The following KCNH1 variants were observed in gnomAD, a reference collection of about 807,000 sequenced individuals.
KCNH1 encodes the protein voltage-gated delayed rectifier potassium channel KCNH1.
In KCNH1, 27 loss-of-function variants were observed where a neutral mutation model predicts 69.2. The observed-to-expected ratio is 0.39, with a 90% CI of 0.29 to 0.54. The LOEUF is 0.54. KCNH1 is among the 20% of genes least tolerant of loss of function. The probability of loss-of-function intolerance (pLI) is 0.68; values close to 1 mark genes in which losing one functional copy is unlikely to be tolerated. For missense variants in KCNH1, 798 were observed against 1,261.6 expected (o/e 0.63, Z 5.57); for synonymous variants, 456 against 487.7 (o/e 0.93, Z 0.86).
chr1:210,827,450 TC>T (rs1056043579), intron 7 of KCNH1, among the ~76,000 whole-genome samples: 7 of 152,236 alleles, frequency 4.6e-5, no homozygotes, highest in Admixed American at 2.0e-4. Context: ...CTACTACTTT[TC>T]AAGAACCTAG....
At chr1:210,850,381 C>T (rs1189524330) in intron 7 of KCNH1, among the ~76,000 whole-genome samples, 5 of 151,912 alleles carry the variant, frequency 3.3e-5, no homozygotes, top group Non-Finnish European at 5.9e-5. Context: ...CGTGGTGGCG[C>T]GCACCTGTAG....
At chr1:210,797,892 T>G in intron 8 of KCNH1, 132 bp from the exon 9 acceptor site, 1 of 960,372 alleles carries the variant, frequency 1.0e-6, no homozygotes. Flanking sequence ...TCCCTGCGCT[T>G]ATGGAGCTTA....
At chr1:211,085,334 TA>T (rs962826038) in intron 4 of KCNH1, among the ~76,000 whole-genome samples, 3 of 151,916 alleles carry the variant, frequency 2.0e-5, no homozygotes, top group African/African-American at 7.3e-5. Flanking sequence ...ACCTGGACAG[TA>T]AAAACCTAGA....
chr1:210,850,566 C>T (rs537595723), intron 7 of KCNH1, among the ~76,000 whole-genome samples: 1 of 152,180 alleles, frequency 6.6e-6, no homozygotes, highest in East Asian at 1.9e-4. Flanking sequence ...ATGCAGAACC[C>T]AGAAATTAAC....
At chr1:210,998,024 G>C (rs550283721) in intron 6 of KCNH1, among the ~76,000 whole-genome samples, 1 of 152,292 alleles carries the variant, frequency 6.6e-6, no homozygotes, top group South Asian at 2.1e-4. Context: ...ACTAAACATG[G>C]AAAGGAACAA....
In KCNH1 at chr1:210,778,494, G is replaced by A. The variant is rs529442902; in HGVS notation, c.1916-2950C>T. On this transcript the variant is annotated intron_variant, in intron 9 of 10. Coordinates refer to ENST00000271751, the MANE Select transcript of KCNH1 (RefSeq NM_172362.3). ...TGCAGTGAGCTATAATTTGGCCACC[G>A]CACTCCAGCCTGGGCTACAGAGCAA... Among the ~76,000 whole-genome samples, 33 of 144,246 alleles carry A rather than the reference G, an allele frequency of 2.3e-4. No homozygotes were observed. In the South Asian group the frequency reaches 2.4e-3, roughly 10 times the overall value. The allele number at this position is 144,246 out of a possible 152,430, so 94.6% of individuals were successfully genotyped here. A position where few individuals can be genotyped will look rare whatever the true frequency, so the allele number is the denominator to read the frequency against.
intron 6 of KCNH1, among the ~76,000 whole-genome samples, chr1:210,928,743 G>T (rs1418232839): frequency 2.0e-5 from 3 of 151,864 alleles, no homozygotes; most frequent in Admixed American, 2.0e-4. Flanking sequence ...AAGATGAAAA[G>T]AAAAGATGGT....
chr1:211,125,667 A>T (rs1470113090), intron 1 of KCNH1, among the ~76,000 whole-genome samples: 1 of 152,214 alleles, frequency 6.6e-6, no homozygotes, highest in African/African-American at 2.4e-5. Context: ...CCAGTGGAGG[A>T]TGTCTACATC....
chr1:210,933,719 C>T (rs1016705102), intron 6 of KCNH1, among the ~76,000 whole-genome samples: 7 of 151,962 alleles, frequency 4.6e-5, no homozygotes, highest in Admixed American at 3.9e-4. Context: ...ATGGATAACA[C>T]AGAAATAGAA....
chr1:210,763,073 G>A (rs1683554628), intron 10 of KCNH1, among the ~76,000 whole-genome samples: 1 of 151,986 alleles, frequency 6.6e-6, no homozygotes, highest in Non-Finnish European at 1.5e-5. Context: ...TTCAACATGT[G>A]CAAATCAAAA....
In KCNH1 at chr1:211,068,088, G is replaced by A. The variant is rs374707561; in HGVS notation, c.558+14692C>T. Among the ~76,000 whole-genome samples the A allele has an allele frequency of 3.9e-4, 59 of 152,316 alleles. 1 individual carries two copies. In the South Asian group the frequency reaches 0.012, roughly 30 times the overall value. ...GAACAGCCTAACAAGGAGATAAACC[G>A]GCTTTGAAAACAACATGTGCAATCT... On this transcript the variant is annotated intron_variant, in intron 5 of 10. Transcript: ENST00000271751.
intron 5 of KCNH1, among the ~76,000 whole-genome samples, chr1:211,032,199 T>A (rs937424319): frequency 1.3e-5 from 2 of 152,138 alleles, no homozygotes; most frequent in African/African-American, 2.4e-5. Context: ...GAATACAACT[T>A]ACAAGGGATG....
intron 7 of KCNH1, among the ~76,000 whole-genome samples, chr1:210,895,020 A>C (rs1175335404): frequency 6.6e-6 from 1 of 152,210 alleles, no homozygotes; most frequent in East Asian, 1.9e-4. Context: ...AATTCTCTCA[A>C]GGCAGTAAAC....
At chr1:210,977,699 C>G (rs1688640148) in intron 6 of KCNH1, among the ~76,000 whole-genome samples, 1 of 151,948 alleles carries the variant, frequency 6.6e-6, no homozygotes. Flanking sequence ...ATTCTTTGAC[C>G]CAATGTTTTA....
intron 6 of KCNH1, among the ~76,000 whole-genome samples, chr1:210,971,910 G>T (rs893804486): frequency 4.3e-4 from 65 of 152,166 alleles, no homozygotes; most frequent in African/African-American, 1.4e-3. Context: ...GATTTAGTGT[G>T]CATATAATCC....
intron 10 of KCNH1, among the ~76,000 whole-genome samples, chr1:210,714,806 G>T (rs1021054973): frequency 2.0e-5 from 3 of 152,152 alleles, no homozygotes; most frequent in Non-Finnish European, 4.4e-5. Flanking sequence ...TTCTCTGGAG[G>T]ACACAACCAA....
At chr1:210,925,257 C>T (rs1219211480) in intron 6 of KCNH1, among the ~76,000 whole-genome samples, 1 of 152,176 alleles carries the variant, frequency 6.6e-6, no homozygotes, top group Non-Finnish European at 1.5e-5. Flanking sequence ...AGATAGGAGG[C>T]AGGACTAGCT....
intron 10 of KCNH1, among the ~76,000 whole-genome samples, chr1:210,699,472 G>A (rs899236381): frequency 3.3e-5 from 5 of 152,358 alleles, no homozygotes; most frequent in African/African-American, 7.2e-5. Flanking sequence ...TTGAGAAGCC[G>A]TCTTTGGAGC....
chr1:210,868,761 C>A (rs1686171735), intron 7 of KCNH1, among the ~76,000 whole-genome samples: 1 of 152,072 alleles, frequency 6.6e-6, no homozygotes, highest in Non-Finnish European at 1.5e-5. Context: ...AACCACTAAT[C>A]TGTTTTCCCT....
Sources: gnomAD v4.1 joint callset for allele counts (sites outside exome capture counted in the v4.1 genomes callset) on GRCh38, gnomAD v4.1.1 for gene constraint, MANE v1.5 for transcripts, NCBI Gene and HGNC (gene_info 2026-07-23, HGNC 2026-07-21) for gene names.